Variants in RASA3 observed in about 807,000 individuals in gnomAD.
The protein encoded by RASA3 is ras GTPase-activating protein 3.
Under a neutral mutation model 110.0 loss-of-function variants are expected in RASA3, and 73 were observed. That is an observed-to-expected ratio of 0.66 (90% confidence interval 0.55 to 0.81). The LOEUF is 0.81. RASA3 is among the 30% of genes least tolerant of loss of function. RASA3 has a pLI of 0.00. For missense variants in RASA3, 976 were observed against 1,113.2 expected, an observed-to-expected ratio of 0.88 and a Z score of 1.75; for synonymous variants, 500 against 451.4, an observed-to-expected ratio of 1.11 and a Z score of -1.37.
At chr13:114,024,424 GC>G in intron 7 of RASA3, 69 bp from the exon 8 acceptor site, 1 of 1,363,978 alleles carries the variant, frequency 7.3e-7, no homozygotes, top group Non-Finnish European at 1.0e-6. Context: ...GCGGACCTAG[GC>G]CCCGGGCTGC....
In RASA3 at chr13:114,014,258, T is replaced by C. The variant is rs1176012547; in HGVS notation, c.1405+951A>G. ...CCACAGTGGTCTGTGCTCATCTGGG[T>C]GAGAGGATGTGTTTTATCTCTTCAC... On this transcript the variant is annotated intron_variant, in intron 14 of 23. Coordinates refer to ENST00000334062, the MANE Select transcript of RASA3 (RefSeq NM_007368.4). This position sits in a 1 kb window ranked among gnomAD's most constrained non-coding sequence, Gnocchi z 4.5. Among the ~76,000 whole-genome samples, 1 of 152,244 alleles carries C rather than the reference T, an allele frequency of 6.6e-6. No individual in the cohort carries two copies. Among genetic ancestry groups the C allele is most frequent in the Non-Finnish European group, 1.5e-5 (1 of 68,008 alleles).
intron 16 of RASA3, 69 bp from the exon 17 acceptor site, chr13:114,009,533 G>T (rs12870350): frequency 6.2e-5 from 66 of 1,064,844 alleles, no homozygotes; most frequent in Non-Finnish European, 8.3e-5. Flanking sequence ...ATCTGAAAAA[G>T]CTAGAGGCAA....
intron 2 of RASA3, among the ~76,000 whole-genome samples, chr13:114,055,404 C>A (rs1226548593): frequency 6.6e-6 from 1 of 152,218 alleles, no homozygotes; most frequent in Non-Finnish European, 1.5e-5. Flanking sequence ...GACGCACACT[C>A]CCCAGGCAGC....
chr13:114,055,634 G>A (rs1396190638), intron 2 of RASA3, among the ~76,000 whole-genome samples: 1 of 152,366 alleles, frequency 6.6e-6, no homozygotes, highest in Admixed American at 6.5e-5. Flanking sequence ...GGCCTCTTCT[G>A]TACGTCCTAG....
At chr13:114,125,519 T>C (rs1419718814) in intron 1 of RASA3, among the ~76,000 whole-genome samples, 1 of 152,194 alleles carries the variant, frequency 6.6e-6, no homozygotes, top group Admixed American at 6.5e-5. Context: ...GGGATAGCGC[T>C]GAGCTGTTCA....
At chr13:114,004,066 T>G (rs541810456) in intron 18 of RASA3, among the ~76,000 whole-genome samples, 126 of 152,358 alleles carry the variant, frequency 8.3e-4, no homozygotes, top group African/African-American at 3.0e-3. Flanking sequence ...ATTGCAAATG[T>G]TATTGGTTAA....
At chr13:114,128,964 T>G (rs1369152641) in intron 1 of RASA3, among the ~76,000 whole-genome samples, 1 of 152,100 alleles carries the variant, frequency 6.6e-6, no homozygotes. Context: ...AGAAACACCT[T>G]GTGTGTTGCT....
At chr13:114,074,104 G>T (rs369782825) in intron 1 of RASA3, among the ~76,000 whole-genome samples, 110 of 152,330 alleles carry the variant, frequency 7.2e-4, no homozygotes, top group African/African-American at 2.5e-3. Flanking sequence ...TTGTTTACCT[G>T]CATTAGTCCC....
rs1566501825 is a variant in RASA3, at chr13:114,030,478, A to ACAGGAGGCAAGACTCACG, written c.373-592_373-591insCGTGAGTCTTGCCTCCTG. On this transcript the variant is annotated intron_variant, in intron 4 of 23. Transcript: ENST00000334062. ...GGCTCACACAGAGGGCAAGGCTCAC[A>ACAGGAGGCAAGACTCACG]CAGAGGGCAAGACTCACACAGAGGG... 4.0e-5 allele frequency among the ~76,000 whole-genome samples: 4 copies of ACAGGAGGCAAGACTCACG among 100,524 alleles called. 1 individual carries two copies. Among genetic ancestry groups the ACAGGAGGCAAGACTCACG allele is most frequent in the African/African-American group, 1.4e-4 (4 of 27,754 alleles). The allele number at this position is 100,524 out of a possible 152,430, so 65.9% of individuals were successfully genotyped here.
intron 1 of RASA3, among the ~76,000 whole-genome samples, chr13:114,082,878 AAAT>A (rs2079805508): frequency 6.6e-6 from 1 of 152,210 alleles, no homozygotes; most frequent in Non-Finnish European, 1.5e-5. Context: ...AACTCACAAA[AAAT>A]AATGAGATAC....
chr13:114,106,607 C>A (rs1197434852), intron 1 of RASA3, among the ~76,000 whole-genome samples: 1 of 151,958 alleles, frequency 6.6e-6, no homozygotes. Flanking sequence ...GAAATTCACA[C>A]CCAAGTCCCA....
At chr13:114,107,179 C>T (rs997963290) in intron 1 of RASA3, among the ~76,000 whole-genome samples, 37 of 152,074 alleles carry the variant, frequency 2.4e-4, no homozygotes, top group African/African-American at 7.0e-4. Context: ...TCACGGGGTA[C>T]GTGGCCTGTG....
rs1273114984 is a variant in RASA3, at chr13:114,132,580, C to T, written c.-91G>A. On this transcript the variant is annotated 5_prime_UTR_variant, in exon 1 of 24. Transcript: ENST00000334062. ...GCAGGAGGAGCGGCGGCGCCGGAGC[C>T]CCGAGCGCGGCCGAGGGTCCGCCCG... 1 of 1,140,516 alleles carries T rather than the reference C, an allele frequency of 8.8e-7. No individual in the cohort carries two copies. Among genetic ancestry groups the T allele is most frequent in the Non-Finnish European group, 1.1e-6 (1 of 913,544 alleles). 70.6% of individuals were successfully genotyped at this position (1,140,516 alleles called of 1,614,324 possible).
At position 114,098,328 on chromosome 13, in the gene RASA3, C is replaced by A. The variant is rs535412726; in HGVS notation, c.56-24491G>T. 4.7e-3 allele frequency among the ~76,000 whole-genome samples: 721 copies of A among 152,278 alleles called. 6 individuals are homozygous for A. Among genetic ancestry groups the A allele is most frequent in the Admixed American group, 8.7e-3 (133 of 15,296 alleles). ...AACAGGCGGACAAGGCAACAGGGAC[C>A]CAGGTGCGGGTCAGCAGGCGCTAAG... is the stretch of plus-strand genomic sequence containing the variant. On this transcript the variant is annotated intron_variant, in intron 1 of 23. Coordinates refer to ENST00000334062, the MANE Select transcript of RASA3 (RefSeq NM_007368.4).
intron 1 of RASA3, among the ~76,000 whole-genome samples, chr13:114,122,166 C>T (rs1176024355): frequency 6.6e-6 from 1 of 152,254 alleles, no homozygotes; most frequent in Non-Finnish European, 1.5e-5. Flanking sequence ...CCAGGCTGCT[C>T]CAGCCTTCAG....
At position 114,017,231 on chromosome 13, in the gene RASA3, G is replaced by A. The variant is rs775396842; in HGVS notation, c.1206+6C>T. ...TGAGGCTGAGGACTCTCGGCCCCGT[G>A]CTCACCTCCTCGATGGCGGGCTTCA... On this transcript the variant is annotated splice_donor_region_variant and intron_variant, in intron 12 of 23. Coordinates refer to ENST00000334062, the MANE Select transcript of RASA3 (RefSeq NM_007368.4). The A allele has an allele frequency of 3.1e-6, 5 of 1,610,656 alleles. No homozygotes were observed. In the African/African-American group the frequency reaches 6.7e-5, roughly 22 times the overall value.
intron 11 of RASA3, 138 bp downstream of exon 11, chr13:114,017,966 A>C: frequency 9.4e-7 from 1 of 1,062,014 alleles, no homozygotes; most frequent in South Asian, 2.2e-5. Context: ...CTGTGAAAGA[A>C]AACCTGAATC....
chr13:113,982,239 C>T (rs1009379496), intron 22 of RASA3, among the ~76,000 whole-genome samples: 10 of 152,338 alleles, frequency 6.6e-5, no homozygotes, highest in East Asian at 5.8e-4. Context: ...TGCAGCTGGA[C>T]GCTGGGCTGG....
intron 18 of RASA3, among the ~76,000 whole-genome samples, chr13:114,001,404 G>C (rs544882058): frequency 2.4e-4 from 34 of 142,500 alleles, no homozygotes; most frequent in African/African-American, 7.6e-4. Flanking sequence ...GGCGGGCAGT[G>C]GACGCTCACA....
Sources: allele counts gnomAD v4.1 joint callset (sites outside exome capture counted in the v4.1 genomes callset), GRCh38; gene constraint gnomAD v4.1.1; non-coding constraint Gnocchi (gnomAD v3.1); transcripts MANE v1.5; gene names NCBI Gene and HGNC (gene_info 2026-07-23, HGNC 2026-07-21).